Variants in CAP2 observed in about 807,000 individuals in gnomAD.
The protein encoded by CAP2 is adenylyl cyclase-associated protein 2.
In CAP2, 24 loss-of-function variants were observed where a neutral mutation model predicts 57.7. That is an observed-to-expected ratio of 0.42 (90% CI 0.30 to 0.58). The LOEUF is 0.58. CAP2 is among the 20% of genes least tolerant of loss of function. The pLI, the probability that CAP2 is intolerant of heterozygous loss-of-function variation, is 0.22. For synonymous variants in CAP2, 194 were observed against 207.2 expected, an observed-to-expected ratio of 0.94 and a Z score of 0.55; for missense variants, 501 against 590.3, an observed-to-expected ratio of 0.85 and a Z score of 1.57.
At position 17,437,658 on chromosome 6, in the gene CAP2, C is replaced by T. The variant is rs140750848; in HGVS notation, c.222+10968C>T. ...CTTTGGGAGGCTGAGGCGGGAGGAT[C>T]ATGAGGTCAAAAGATCAAGACCAGT... On this transcript the variant is annotated intron_variant, in intron 3 of 12. Coordinates refer to ENST00000229922, the MANE Select transcript of CAP2 (RefSeq NM_006366.3). 1.5e-4 allele frequency among the ~76,000 whole-genome samples: 23 copies of T among 151,858 alleles called. 1 individual carries two copies. The highest frequency in any genetic ancestry group is 2.1e-4 in the Non-Finnish European group (14 of 67,928).
At chr6:17,507,335 C>T (rs1561809187) in intron 5 of CAP2, 23 bp downstream of exon 5, 1 of 1,612,274 alleles carries the variant, frequency 6.2e-7, no homozygotes, top group Non-Finnish European at 8.5e-7. Context: ...GCAATGTTGC[C>T]TCTTCACCTC....
At chr6:17,416,976 A>T (rs7755112) in intron 1 of CAP2, among the ~76,000 whole-genome samples, 80,457 of 151,814 alleles carry the variant, frequency 0.53, 23,382 homozygotes, top group African/African-American at 0.77. Flanking sequence ...CATGCACTGT[A>T]ATCCTAGTTA....
chr6:17,440,469 C>G (rs974828773), intron 3 of CAP2, among the ~76,000 whole-genome samples: 1 of 151,532 alleles, frequency 6.6e-6, no homozygotes, highest in Non-Finnish European at 1.5e-5. Flanking sequence ...TTACTGACCT[C>G]TTCCTTTTTA....
At chr6:17,495,765 C>G (rs1761647355) in intron 4 of CAP2, among the ~76,000 whole-genome samples, 1 of 151,930 alleles carries the variant, frequency 6.6e-6, no homozygotes, top group Non-Finnish European at 1.5e-5. Context: ...TGGCTTTTTT[C>G]CTTAAAAAGC....
chr6:17,453,272 A>G (rs371787674), intron 3 of CAP2, among the ~76,000 whole-genome samples: 1 of 152,190 alleles, frequency 6.6e-6, no homozygotes, highest in African/African-American at 2.4e-5. Context: ...ATGGAACACT[A>G]CTGATGACTT....
At chr6:17,531,173 C>A in intron 7 of CAP2, 1 of 766,634 alleles carries the variant, frequency 1.3e-6, no homozygotes, top group Non-Finnish European at 2.4e-6. Flanking sequence ...CATAACCACA[C>A]TTATGGATTA....
chr6:17,462,515 A>T (rs1428169815), intron 3 of CAP2, among the ~76,000 whole-genome samples: 2 of 152,118 alleles, frequency 1.3e-5, no homozygotes, highest in African/African-American at 2.4e-5. Context: ...CACCACCCCC[A>T]AAAGAAACCC....
intron 3 of CAP2, 50 bp downstream of exon 3, chr6:17,426,740 C>A: frequency 8.0e-7 from 1 of 1,257,110 alleles, no homozygotes; most frequent in Non-Finnish European, 1.2e-6. Flanking sequence ...ACTTACCAGC[C>A]CAGCCTCTGA....
At chr6:17,501,056 G>A (rs911307874) in intron 4 of CAP2, among the ~76,000 whole-genome samples, 1 of 152,164 alleles carries the variant, frequency 6.6e-6, no homozygotes, top group Non-Finnish European at 1.5e-5. Context: ...TTGAGTTGTA[G>A]TGGTAATGCA....
At chr6:17,439,689 C>T (rs1315377825) in intron 3 of CAP2, among the ~76,000 whole-genome samples, 1 of 151,524 alleles carries the variant, frequency 6.6e-6, no homozygotes, top group African/African-American at 2.4e-5. Context: ...CAACCTAGAT[C>T]CCTCGCGTGC....
rs554616825 is a variant in CAP2 at position 17,478,242 on chromosome 6, C to A, written c.300+15169C>A. On this transcript the variant is annotated intron_variant, in intron 4 of 12. Transcript: ENST00000229922. ...CACCGCCTCCCAGGCTCAAATGATC[C>A]TCCCGCCTCAGCCTCTCGAGTAGCT... is the stretch of plus-strand genomic sequence containing the variant. Among the ~76,000 whole-genome samples the A allele has an allele frequency of 4.0e-5, 6 of 150,730 alleles. No homozygotes were observed. The South Asian group carries it at 1.3e-3, about 32-fold the overall frequency.
chr6:17,512,387 C>A (rs1473647540), intron 6 of CAP2, among the ~76,000 whole-genome samples: 1 of 151,372 alleles, frequency 6.6e-6, no homozygotes, highest in Non-Finnish European at 1.5e-5. Flanking sequence ...CAGAGCAAGA[C>A]CCTGTCTCTA....
intron 3 of CAP2, among the ~76,000 whole-genome samples, chr6:17,440,658 T>C (rs1182317227): frequency 6.7e-6 from 1 of 150,230 alleles, no homozygotes; most frequent in Non-Finnish European, 1.5e-5. Flanking sequence ...CATTTTAATG[T>C]TCAATTCTGT....
intron 1 of CAP2, among the ~76,000 whole-genome samples, chr6:17,413,326 T>C (rs1759189504): frequency 6.6e-6 from 1 of 152,126 alleles, no homozygotes. Context: ...AAGAAAATGG[T>C]GCTTTTTGTT....
At chr6:17,409,897 G>A (rs994786860) in intron 1 of CAP2, among the ~76,000 whole-genome samples, 8 of 151,846 alleles carry the variant, frequency 5.3e-5, no homozygotes, top group Admixed American at 6.6e-5. Context: ...TCTTCAACCC[G>A]CTGTCACTTT....
intron 7 of CAP2, among the ~76,000 whole-genome samples, chr6:17,526,956 CAA>C (rs1221212193): frequency 5.0e-5 from 4 of 80,098 alleles, no homozygotes; most frequent in Middle Eastern, 8.6e-3. Context: ...GACTCTGTCT[CAA>C]AAAAAAAAAA....
chr6:17,531,204 A>C (rs6926595), intron 7 of CAP2: 223,181 of 768,528 alleles, frequency 0.29, 34,819 homozygotes, highest in African/African-American at 0.5. Flanking sequence ...TGACTTCAGA[A>C]TTGGGTACCC....
chr6:17,420,368 A>G (rs1263387688), intron 1 of CAP2, among the ~76,000 whole-genome samples: 1 of 152,246 alleles, frequency 6.6e-6, no homozygotes, highest in Non-Finnish European at 1.5e-5. Flanking sequence ...TACATTCAGA[A>G]TAATTATAAT....
intron 4 of CAP2, among the ~76,000 whole-genome samples, chr6:17,486,504 G>T (rs879411073): frequency 2.0e-5 from 3 of 152,200 alleles, no homozygotes; most frequent in Non-Finnish European, 4.4e-5. Flanking sequence ...TACTCGGGAG[G>T]CTGAGGTGGG....
Sources: gnomAD v4.1 joint callset for allele counts (sites outside exome capture counted in the v4.1 genomes callset) on GRCh38, gnomAD v4.1.1 for gene constraint, MANE v1.5 for transcripts, NCBI Gene and HGNC (gene_info 2026-07-23, HGNC 2026-07-21) for gene names.